SORCS3: variants seen among roughly 807,000 people sequenced by gnomAD.
The protein encoded by SORCS3 is VPS10 domain-containing receptor SorCS3.
SORCS3 carries 57 observed loss-of-function variants against 146.3 expected under a neutral mutation model. The ratio of observed to expected loss-of-function variants is 0.39; its 90% CI spans 0.31 to 0.49. The LOEUF (loss-of-function observed/expected upper bound fraction) is 0.49, where lower values mean the gene tolerates loss of function less well. Ranked by LOEUF, SORCS3 falls within the 20% of genes least tolerant of loss-of-function variation. SORCS3 has a pLI of 0.92. For synonymous variants in SORCS3, 653 were observed against 618.5 expected, an observed-to-expected ratio of 1.06 and a Z score of -0.83; for missense variants, 1,341 against 1,575.5, an observed-to-expected ratio of 0.85 and a Z score of 2.52.
At chr10:104,922,458 A>G (rs1213556625) in intron 3 of SORCS3, among the ~76,000 whole-genome samples, 1 of 152,124 alleles carries the variant, frequency 6.6e-6, no homozygotes, top group African/African-American at 2.4e-5. Flanking sequence ...TCAAATTCGG[A>G]TGCATGCAGG....
Position 104,913,478 on chromosome 10 carries a change from G to A in SORCS3, c.696-2355G>A, listed in dbSNP as rs533232814. ...GTCAGAGAATAAGTCAGCTTTTGGG[G>A]GATTGATGATTAAAGTTAGCATAAC... On this transcript the variant is annotated intron_variant, in intron 2 of 26. Transcript: ENST00000369701. Among the ~76,000 whole-genome samples, 36 of 152,256 alleles carry A rather than the reference G, an allele frequency of 2.4e-4. No homozygotes were observed. The South Asian group carries it at 7.0e-3, about 30-fold the overall frequency.
chr10:104,726,135 A>T (rs2016629263), intron 1 of SORCS3, among the ~76,000 whole-genome samples: 4 of 152,130 alleles, frequency 2.6e-5, no homozygotes. Flanking sequence ...GTCTGCTCAT[A>T]GGTCTTTAAA....
intron 11 of SORCS3, among the ~76,000 whole-genome samples, chr10:105,163,634 A>T (rs2056285518): frequency 6.6e-6 from 1 of 152,172 alleles, no homozygotes; most frequent in Admixed American, 6.5e-5. Context: ...TGCCAGGGGA[A>T]GAAAAAGAAG....
At chr10:104,659,867 C>T (rs1453092062) in intron 1 of SORCS3, among the ~76,000 whole-genome samples, 2 of 152,182 alleles carry the variant, frequency 1.3e-5, no homozygotes, top group Non-Finnish European at 2.9e-5. Flanking sequence ...TTTCACTCTC[C>T]TGTGAGGGTG....
intron 5 of SORCS3, among the ~76,000 whole-genome samples, chr10:105,060,170 A>G (rs1849504614): frequency 1.3e-5 from 2 of 152,134 alleles, no homozygotes; most frequent in Non-Finnish European, 2.9e-5. Flanking sequence ...GATGGTTTCA[A>G]TTTCAACAGG....
At chr10:105,201,297 A>T in intron 16 of SORCS3, 44 bp downstream of exon 16, 1 of 1,582,996 alleles carries the variant, frequency 6.3e-7, no homozygotes, top group Non-Finnish European at 8.6e-7. Context: ...CCAGGTCTTC[A>T]CCTGTCTGTG....
At chr10:105,147,461 T>C (rs1278131502) in intron 8 of SORCS3, among the ~76,000 whole-genome samples, 156 bp from the exon 9 acceptor site, 2 of 152,174 alleles carry the variant, frequency 1.3e-5, no homozygotes, top group Non-Finnish European at 2.9e-5. Flanking sequence ...ATGAAGCTTA[T>C]AATTTATAGC....
At chr10:105,150,220 A>G (rs2056158975) in intron 9 of SORCS3, among the ~76,000 whole-genome samples, 1 of 152,162 alleles carries the variant, frequency 6.6e-6, no homozygotes, top group African/African-American at 2.4e-5. Flanking sequence ...GGGCAAGACA[A>G]ATGGATATCA....
At chr10:104,798,788 G>T (rs1339033798) in intron 1 of SORCS3, among the ~76,000 whole-genome samples, 1 of 152,054 alleles carries the variant, frequency 6.6e-6, no homozygotes, top group Non-Finnish European at 1.5e-5. Context: ...GAAAATTTTT[G>T]CAATCTATCC....
chr10:104,677,065 ATCATGGTTATCCAGTGG>A (rs2015919827), intron 1 of SORCS3, among the ~76,000 whole-genome samples: 1 of 152,198 alleles, frequency 6.6e-6, no homozygotes, highest in African/African-American at 2.4e-5. Flanking sequence ...CACTCTGCAA[ATCATGGTTATCCAGTGG>A]TCACTGGGAC....
intron 1 of SORCS3, among the ~76,000 whole-genome samples, chr10:104,739,731 G>T (rs2016818488): frequency 6.6e-6 from 1 of 152,206 alleles, no homozygotes; most frequent in Non-Finnish European, 1.5e-5. Context: ...AGTCACTGCT[G>T]TGCTTTTAGT....
In SORCS3 at chr10:105,167,402, A is replaced by C. The variant is rs549906212; in HGVS notation, c.1901+53A>C. The C allele has an allele frequency of 9.4e-5, 125 of 1,329,062 alleles. 1 individual carries two copies. In the South Asian group the frequency reaches 1.2e-3, roughly 13 times the overall value. The allele number at this position is 1,329,062 out of a possible 1,614,324, so 82.3% of individuals were successfully genotyped here. A position where few individuals can be genotyped will look rare whatever the true frequency, so the allele number is the denominator to read the frequency against. ...GAGCTAATGAGCAGCTTTTTAGTGGAGAGGATTGTGATGAGTTATTCTGCA... is the reference window on the plus strand; with the variant it reads ...GAGCTAATGAGCAGCTTTTTAGTGGCGAGGATTGTGATGAGTTATTCTGCA... On this transcript the variant is annotated intron_variant, in intron 13 of 26. Coordinates refer to ENST00000369701, the MANE Select transcript of SORCS3 (RefSeq NM_014978.3).
intron 1 of SORCS3, among the ~76,000 whole-genome samples, chr10:104,829,968 G>C (rs1467544332): frequency 6.6e-6 from 1 of 152,086 alleles, no homozygotes; most frequent in Non-Finnish European, 1.5e-5. Flanking sequence ...ATGTGCCATG[G>C]TGGTTTGCTG....
At chr10:104,761,366 G>A (rs1033103609) in intron 1 of SORCS3, among the ~76,000 whole-genome samples, 5 of 151,998 alleles carry the variant, frequency 3.3e-5, no homozygotes, top group Admixed American at 1.3e-4. Context: ...GGAATGAAGT[G>A]TATCTGGAGA....
At chr10:104,725,545 T>G (rs2016616886) in intron 1 of SORCS3, among the ~76,000 whole-genome samples, 1 of 152,020 alleles carries the variant, frequency 6.6e-6, no homozygotes, top group Non-Finnish European at 1.5e-5. Flanking sequence ...TTCTGCTGCC[T>G]TTTTTTTGGC....
At chr10:104,715,481 C>T (rs570423702) in intron 1 of SORCS3, among the ~76,000 whole-genome samples, 12 of 152,276 alleles carry the variant, frequency 7.9e-5, no homozygotes, top group African/African-American at 1.9e-4. Flanking sequence ...ATCTTGCAGA[C>T]GGCAGATCAT....
chr10:104,718,152 AAATAAATAAATAAATG>A (rs1354635094), intron 1 of SORCS3, among the ~76,000 whole-genome samples: 2 of 151,398 alleles, frequency 1.3e-5, no homozygotes, highest in Non-Finnish European at 2.9e-5. Flanking sequence ...TCCTCAAAAT[AAATAAATAAATAAATG>A]AATAAATAAA....
At chr10:104,741,134 A>ATTTT (rs34447542) in intron 1 of SORCS3, among the ~76,000 whole-genome samples, 10 of 104,892 alleles carry the variant, frequency 9.5e-5, no homozygotes, top group South Asian at 3.5e-4. Flanking sequence ...GATAATTTAA[A>ATTTT]TTTTTTTTTT....
chr10:104,940,238 A>ATATATATAT (rs1435205868), intron 3 of SORCS3, among the ~76,000 whole-genome samples: 33 of 31,496 alleles, frequency 1.0e-3, no homozygotes, highest in Admixed American at 2.1e-3. Context: ...ATATATATAT[A>ATATATATAT]TTTTTTTTTT....
Sources: gnomAD v4.1 joint callset for allele counts (sites outside exome capture counted in the v4.1 genomes callset) on GRCh38, gnomAD v4.1.1 for gene constraint, MANE v1.5 for transcripts, NCBI Gene and HGNC (gene_info 2026-07-23, HGNC 2026-07-21) for gene names.